The following DZIP1L variants were observed in gnomAD, a reference collection of about 807,000 sequenced individuals.
The protein encoded by DZIP1L is DAZ interacting zinc finger protein 1 like.
A neutral mutation model predicts 88.7 loss-of-function variants in DZIP1L; 90 were observed. That is an observed-to-expected ratio of 1.02 (90% CI 0.86 to 1.21). The LOEUF (loss-of-function observed/expected upper bound fraction) is 1.21, where lower values mean the gene tolerates loss of function less well. Ranked by LOEUF, DZIP1L falls within the 50% of genes most tolerant of loss-of-function variation. The probability of loss-of-function intolerance (pLI) is 0.00; values close to 1 mark genes in which losing one functional copy is unlikely to be tolerated. For synonymous variants in DZIP1L, 363 were observed against 372.1 expected, an observed-to-expected ratio of 0.98 and a Z score of 0.28; for missense variants, 932 against 955.8, an observed-to-expected ratio of 0.98 and a Z score of 0.33.
At chr3:138,098,376 C>G (rs1944574010) in intron 2 of DZIP1L, among the ~76,000 whole-genome samples, 1 of 152,156 alleles carries the variant, frequency 6.6e-6, no homozygotes, top group Non-Finnish European at 1.5e-5. Context: ...TTAAAATATG[C>G]CAATGTCTAG....
chr3:138,113,607 T>C (rs995564810), intron 1 of DZIP1L: 2 of 152,222 alleles, frequency 1.3e-5, no homozygotes, highest in African/African-American at 4.8e-5. Context: ...ACACACAGTA[T>C]GCAAGGGAGC....
chr3:138,095,046 C>T, intron 3 of DZIP1L, 63 bp from the exon 4 acceptor site: 1 of 1,608,800 alleles, frequency 6.2e-7, no homozygotes, highest in African/African-American at 1.3e-5. Context: ...AGTGTAGTTT[C>T]TCACCTTGTC....
At position 138,101,322 on chromosome 3, in the gene DZIP1L, T is replaced by A. The variant is rs1239377196; in HGVS notation, c.501+2149A>T. Reference sequence around the variant, plus strand: ...TAGCTGGAGGCATGGGCAAGGGGGGTCCCTAGGCAGTAAACTCCCCCGCAG... The same window carrying A: ...TAGCTGGAGGCATGGGCAAGGGGGGACCCTAGGCAGTAAACTCCCCCGCAG... On this transcript the variant is annotated intron_variant, in intron 2 of 15. Transcript: ENST00000327532. Among the ~76,000 whole-genome samples the A allele has an allele frequency of 1.1e-4, 16 of 144,362 alleles. No homozygotes were observed. The South Asian group carries it at 2.9e-3, about 26-fold the overall frequency. The allele number at this position is 144,362 out of a possible 152,430, so 94.7% of individuals were successfully genotyped here.
chr3:138,080,693 C>A, intron 9 of DZIP1L, 73 bp from the exon 10 acceptor site: 2 of 1,526,356 alleles, frequency 1.3e-6, no homozygotes, highest in African/African-American at 1.4e-5. Flanking sequence ...AAGTACAGAA[C>A]CCCAGCTGAG....
rs753188976 is a variant in DZIP1L, at chr3:138,088,379, C to T, written c.999G>A (p.Gln333=). The T allele has an allele frequency of 3.1e-6, 5 of 1,610,772 alleles. No individual in the cohort carries two copies. The Admixed American group carries it at 6.7e-5, about 22-fold the overall frequency. The change falls in exon 6 of 16, where the codon CAG becomes CAA. Residue 333 remains glutamine (Q), a splice_region_variant and synonymous_variant. Coordinates refer to ENST00000327532, the MANE Select transcript of DZIP1L (RefSeq NM_173543.3). Reference sequence around the variant, plus strand: ...AGAAAGGCATGGAGCATCAGCTCACCTGAATTTCTGTCTTCTCTCTCAGGG... The same window carrying T: ...AGAAAGGCATGGAGCATCAGCTCACTTGAATTTCTGTCTTCTCTCTCAGGG... ...LQALREKTEI[Q]KTEWKRKVKE... is the part of the protein sequence containing the mutation.
intron 1 of DZIP1L, among the ~76,000 whole-genome samples, chr3:138,111,668 C>A (rs1369164789): frequency 6.6e-6 from 1 of 152,080 alleles, no homozygotes; most frequent in Non-Finnish European, 1.5e-5. Flanking sequence ...CCTAAGGGTC[C>A]AATTCTTAGA....
intron 12 of DZIP1L, among the ~76,000 whole-genome samples, chr3:138,071,180 C>T (rs1189123583): frequency 6.6e-6 from 1 of 152,244 alleles, no homozygotes; most frequent in Non-Finnish European, 1.5e-5. Flanking sequence ...CAGAAGTTTA[C>T]ATTCAATTGA....
In DZIP1L at chr3:138,068,157, C is replaced by G. The variant is rs1371884211; in HGVS notation, c.1826G>C (p.Gly609Ala). The G allele has an allele frequency of 7.3e-6, 11 of 1,504,110 alleles. No homozygotes were observed. Among genetic ancestry groups the G allele is most frequent in the Non-Finnish European group, 9.8e-6 (11 of 1,123,040 alleles). The allele number at this position is 1,504,110 out of a possible 1,614,324, so 93.2% of individuals were successfully genotyped here. A position where few individuals can be genotyped will look rare whatever the true frequency, so the allele number is the denominator to read the frequency against. ...GGCAGAGTCTGGGGCTCACCTCATC[C>G]CGGGCCCCGAGGAAGGAGGGGTGCT... ...PSSTPPSSGP[G>A]MSTPPFSSEE... The change falls in exon 13 of 16, where the codon GGG becomes GCG. Residue 609 changes from glycine to alanine, a missense_variant. Transcript: ENST00000327532.
At chr3:138,072,718 G>A (rs553535379) in intron 11 of DZIP1L, among the ~76,000 whole-genome samples, 63 of 152,264 alleles carry the variant, frequency 4.1e-4, no homozygotes, top group South Asian at 2.5e-3. Flanking sequence ...CTGAGATGCC[G>A]AAAACCTGAG....
Position 138,103,863 on chromosome 3 carries a change from G to A in DZIP1L, c.109C>T (p.Arg37Cys), listed in dbSNP as rs139394665. 148 of 1,614,094 alleles carry A rather than the reference G, an allele frequency of 9.2e-5. No individual in the cohort carries two copies. The highest frequency in any genetic ancestry group is 1.1e-4 in the Non-Finnish European group (127 of 1,180,038). Residue 37 changes from arginine to cysteine, a missense_variant, in exon 2 of 16, where the codon CGC becomes TGC. Coordinates refer to ENST00000327532, the MANE Select transcript of DZIP1L (RefSeq NM_173543.3). ...CGGTCTACATCCAGGGTGCTAATGC[G>A]TCTCCAGTCCATGCTATCATGGCGA... ...QPRHDSMDWR[R>C]ISTLDVDRVA...
chr3:138,085,192 A>G (rs1943867200), intron 7 of DZIP1L, among the ~76,000 whole-genome samples: 1 of 152,238 alleles, frequency 6.6e-6, no homozygotes, highest in Non-Finnish European at 1.5e-5. Flanking sequence ...GGACATAGGC[A>G]TGGGCAAGGA....
At chr3:138,067,755 A>G in intron 13 of DZIP1L, 55 bp from the exon 14 acceptor site, 1 of 1,498,470 alleles carries the variant, frequency 6.7e-7, no homozygotes, top group Non-Finnish European at 8.9e-7. Context: ...GAAAACTTCA[A>G]AAGCCAAACT....
intron 1 of DZIP1L, among the ~76,000 whole-genome samples, chr3:138,109,867 C>T (rs974120481): frequency 1.1e-4 from 17 of 152,112 alleles, no homozygotes; most frequent in Non-Finnish European, 1.6e-4. Context: ...GAACAGAAAA[C>T]CAAACACAGC....
chr3:138,064,629 T>A lies in DZIP1L; in HGVS notation c.2141A>T (p.Gln714Leu). 1 of 1,614,150 alleles carries A rather than the reference T, an allele frequency of 6.2e-7. No individual in the cohort carries two copies. ...AACTCTAAGCATCCTACATCCTACC[T>A]GAGGCTTCCTTCCTGGTGTGGCAGC... is the stretch of plus-strand genomic sequence containing the variant. ...QRAATPGRKP[Q>L]LSEDESDLEI... is the part of the protein sequence containing the mutation. The change falls in exon 15 of 16, where the codon CAG (glutamine) becomes CTG (leucine). Residue 714 changes from glutamine to leucine, a missense_variant and splice_region_variant. Transcript: ENST00000327532.
rs751533057 is a variant in DZIP1L at position 138,068,909 on chromosome 3, G to A, written c.1616-542C>T. The A allele has an allele frequency of 9.0e-5, 113 of 1,253,730 alleles. No individual in the cohort carries two copies. The Admixed American group carries it at 9.1e-4, about 10-fold the overall frequency. 77.7% of individuals were successfully genotyped at this position (1,253,730 alleles called of 1,614,324 possible). A position where few individuals can be genotyped will look rare whatever the true frequency, so the allele number is the denominator to read the frequency against. Reference sequence around the variant, plus strand: ...CATCAAGACCTATAGCCACAAGAGCGGTCCCGGATCAGCAAGTTTTTATGG... The same window carrying A: ...CATCAAGACCTATAGCCACAAGAGCAGTCCCGGATCAGCAAGTTTTTATGG... On this transcript the variant is annotated intron_variant, in intron 12 of 15. Transcript: ENST00000327532.
In DZIP1L at chr3:138,062,681, TG is replaced by T; in HGVS notation, c.*134del. Reference sequence around the variant, plus strand: ...GAGGGATGAGATCATATCCATTCCCTGCACTGCTTCTCTCCAAGAGGATGAT... The same window carrying T: ...GAGGGATGAGATCATATCCATTCCCTCACTGCTTCTCTCCAAGAGGATGAT... On this transcript the variant is annotated 3_prime_UTR_variant, in exon 16 of 16. Transcript: ENST00000327532. 1.9e-6 allele frequency: 2 copies of T among 1,063,662 alleles called. No individual in the cohort carries two copies. Among genetic ancestry groups the T allele is most frequent in the East Asian group, 4.8e-5 (2 of 41,706 alleles). The allele number at this position is 1,063,662 out of a possible 1,614,324, so 65.9% of individuals were successfully genotyped here.
rs1012443859 is a variant in DZIP1L at position 138,084,218 on chromosome 3, C to T, written c.1098G>A (p.Leu366=). Residue 366 remains leucine (L), a synonymous_variant, in exon 8 of 16, where the codon CTG becomes CTA. Transcript: ENST00000327532. ...CAGCTGCCTTCTTCTGATCCTGAGACAGGGAGGCCTGGAGCCTCTGGTTCT... is the reference window on the plus strand; with the variant it reads ...CAGCTGCCTTCTTCTGATCCTGAGATAGGGAGGCCTGGAGCCTCTGGTTCT... The part of the protein sequence containing the change: ...QEENQRLQAS[L]SQDQKKAAAQ... The T allele has an allele frequency of 6.2e-7, 1 of 1,614,174 alleles. No homozygotes were observed. Among genetic ancestry groups the T allele is most frequent in the Middle Eastern group, 1.7e-4 (1 of 6,058 alleles).
chr3:138,089,617 C>A (rs1222344052), intron 5 of DZIP1L, among the ~76,000 whole-genome samples: 1 of 152,114 alleles, frequency 6.6e-6, no homozygotes, highest in Admixed American at 6.5e-5. Flanking sequence ...TGAAAATGGA[C>A]ATCTTACAGT....
At position 138,063,122 on chromosome 3, in the gene DZIP1L, T is replaced by G. The variant is rs1942762703; in HGVS notation, c.2143-145A>C. On this transcript the variant is annotated intron_variant, in intron 15 of 15. Coordinates refer to ENST00000327532, the MANE Select transcript of DZIP1L (RefSeq NM_173543.3). This position sits in a 1 kb window ranked among gnomAD's most constrained non-coding sequence, Gnocchi z 4.1. ...GAAAGCAATAGGGAGATGCTACTCCTCCTGACTTCTCAAGTCTTCCTGCCT... is the reference window on the plus strand; with the variant it reads ...GAAAGCAATAGGGAGATGCTACTCCGCCTGACTTCTCAAGTCTTCCTGCCT... 1.1e-6 allele frequency: 1 copy of G among 878,920 alleles called. No homozygotes were observed. The highest frequency in any genetic ancestry group is 2.7e-5 in the East Asian group (1 of 37,606). The allele number at this position is 878,920 out of a possible 1,614,324, so 54.4% of individuals were successfully genotyped here.
Sources: allele counts gnomAD v4.1 joint callset (sites outside exome capture counted in the v4.1 genomes callset), GRCh38; gene constraint gnomAD v4.1.1; non-coding constraint Gnocchi (gnomAD v3.1); transcripts MANE v1.5; gene names NCBI Gene and HGNC (gene_info 2026-07-23, HGNC 2026-07-21).